EFL1: variants seen among roughly 807,000 people sequenced by gnomAD.
The protein encoded by EFL1 is elongation factor like GTPase 1, also known as elongation factor-like GTPase 1.
Under a neutral mutation model 126.7 loss-of-function variants are expected in EFL1, and 76 were observed. That is an observed-to-expected ratio of 0.60 (90% CI 0.50 to 0.73). EFL1 has a LOEUF of 0.73. Among genes scored for constraint, EFL1 ranks in the 30% least tolerant of loss-of-function variants. The pLI is 0.00. For missense variants in EFL1, 1,128 were observed against 1,343.2 expected, an observed-to-expected ratio of 0.84 and a Z score of 2.50; for synonymous variants, 410 against 448.4, an observed-to-expected ratio of 0.91 and a Z score of 1.08.
At chr15:82,154,796 C>G (rs2073950230) in intron 17 of EFL1, among the ~76,000 whole-genome samples, 1 of 152,192 alleles carries the variant, frequency 6.6e-6, no homozygotes, top group South Asian at 2.1e-4. Flanking sequence ...GGGTCTTGCT[C>G]TGTCACCCAG....
chr15:82,164,132 T>G, intron 15 of EFL1, 148 bp from the exon 16 acceptor site: 1 of 976,528 alleles, frequency 1.0e-6, no homozygotes, highest in East Asian at 2.7e-5. Context: ...TGCACTGTTT[T>G]TTTTTTTGTA....
intron 6 of EFL1, among the ~76,000 whole-genome samples, chr15:82,239,660 C>T (rs1031396804): frequency 7.9e-5 from 12 of 152,186 alleles, no homozygotes; most frequent in African/African-American, 2.7e-4. Flanking sequence ...CTGTTGCAAA[C>T]GATCTAATTC....
chr15:82,143,677 A>T (rs1178244496), intron 18 of EFL1, among the ~76,000 whole-genome samples: 1 of 152,334 alleles, frequency 6.6e-6, no homozygotes, highest in Admixed American at 6.5e-5. Context: ...ATCAGCTACA[A>T]GTTTATAGAT....
At chr15:82,158,999 T>C (rs2073995283) in intron 16 of EFL1, among the ~76,000 whole-genome samples, 2 of 152,234 alleles carry the variant, frequency 1.3e-5, no homozygotes, top group Non-Finnish European at 2.9e-5. Flanking sequence ...AGAGAGCCCA[T>C]GCTCTGCGGA....
intron 19 of EFL1, among the ~76,000 whole-genome samples, chr15:82,136,967 C>T (rs1292138945): frequency 1.3e-5 from 2 of 150,958 alleles, no homozygotes; most frequent in African/African-American, 4.9e-5. Context: ...ACCAAAAAAA[C>T]GTAACCTAAA....
intron 7 of EFL1, among the ~76,000 whole-genome samples, chr15:82,236,295 T>A (rs886510753): frequency 6.6e-6 from 1 of 152,140 alleles, no homozygotes; most frequent in African/African-American, 2.4e-5. Context: ...AGCAAAATGT[T>A]TTTGCAGATA....
Position 82,151,731 on chromosome 15 carries a change from C to T in EFL1, c.2723G>A (p.Ser908Asn). ...DLSKFEEQGA[S>N]DLAKEGQEEN... ...CTCCTGTCCCTCTTTTGCCAGATCA[C>T]TTGCTCCTTGTTCCTCAAATTTACT... The change falls in exon 18 of 20, where the codon AGT becomes AAT. Residue 908 changes from serine (S) to asparagine (N), a missense_variant. Ser to Asn is a conservative substitution (Grantham distance 46, BLOSUM62 1). Transcript: ENST00000268206. 7 of 1,614,184 alleles carry T rather than the reference C, an allele frequency of 4.3e-6. No individual in the cohort carries two copies. Among genetic ancestry groups the T allele is most frequent in the Non-Finnish European group, 5.9e-6 (7 of 1,180,036 alleles).
chr15:82,198,660 G>T (rs1260643680), intron 15 of EFL1, among the ~76,000 whole-genome samples: 2 of 152,066 alleles, frequency 1.3e-5, no homozygotes, highest in African/African-American at 4.8e-5. Flanking sequence ...GGTGAGGAAG[G>T]GTCCTGGAAA....
chr15:82,171,501 A>G lies in EFL1; in HGVS notation c.1751-7517T>C, dbSNP rs55787821. On this transcript the variant is annotated intron_variant, in intron 15 of 19. Transcript: ENST00000268206. Reference sequence around the variant, plus strand: ...ACAGCATTGAAACAATTAGCCAATGAAATGTGAAAAATGATATAATTGCAT... The same window carrying G: ...ACAGCATTGAAACAATTAGCCAATGGAATGTGAAAAATGATATAATTGCAT... Among the ~76,000 whole-genome samples the G allele has an allele frequency of 6.9e-3, 1,048 of 152,332 alleles. 8 individuals carry two copies. The highest frequency in any genetic ancestry group is 8.2e-3 in the Non-Finnish European group (556 of 68,038).
chr15:82,207,790 G>A (rs1032372416), intron 15 of EFL1, among the ~76,000 whole-genome samples: 6 of 149,880 alleles, frequency 4.0e-5, no homozygotes, highest in African/African-American at 7.4e-5. Flanking sequence ...GTGCGGGCTC[G>A]GCTCACTGCA....
chr15:82,213,801 G>C (rs1567065645), intron 15 of EFL1, among the ~76,000 whole-genome samples: 1 of 152,154 alleles, frequency 6.6e-6, no homozygotes, highest in Non-Finnish European at 1.5e-5. Context: ...ATTTTCCAAA[G>C]GGATGGAAGA....
intron 7 of EFL1, among the ~76,000 whole-genome samples, chr15:82,232,214 A>G (rs766095376): frequency 3.3e-5 from 5 of 152,132 alleles, no homozygotes; most frequent in Non-Finnish European, 7.4e-5. Context: ...GTTAGTAGTG[A>G]TGCTCCCTGG....
rs1339613130 is a variant in EFL1, at chr15:82,239,199, T to C, written c.517-678A>G. Among the ~76,000 whole-genome samples the C allele has an allele frequency of 4.6e-5, 7 of 152,160 alleles. No homozygotes were observed. In the South Asian group the frequency reaches 8.3e-4, roughly 18 times the overall value. ...TTGCCCAGGCTGGAGTGCAGTGGCG[T>C]GATCTTGGCTCACCACACGCTCTGC... On this transcript the variant is annotated intron_variant, in intron 6 of 19. Coordinates refer to ENST00000268206, the MANE Select transcript of EFL1 (RefSeq NM_024580.6).
chr15:82,208,357 A>G (rs1051793146), intron 15 of EFL1, among the ~76,000 whole-genome samples: 1 of 152,204 alleles, frequency 6.6e-6, no homozygotes, highest in Non-Finnish European at 1.5e-5. Context: ...CTAGCCATAC[A>G]TAGTTATTAA....
At chr15:82,217,373 G>GGAAA (rs1429392936) in intron 14 of EFL1, among the ~76,000 whole-genome samples, 4 of 27,152 alleles carry the variant, frequency 1.5e-4, no homozygotes, top group African/African-American at 2.9e-4. Context: ...GATTAGATTT[G>GGAAA]AAAAAAAAAA....
At chr15:82,166,916 C>T (rs879934607) in intron 15 of EFL1, among the ~76,000 whole-genome samples, 13 of 152,122 alleles carry the variant, frequency 8.5e-5, no homozygotes, top group Admixed American at 4.6e-4. Flanking sequence ...AGCACATTTG[C>T]TAAAGCATTT....
intron 15 of EFL1, among the ~76,000 whole-genome samples, chr15:82,213,557 C>A (rs1378306680): frequency 6.6e-6 from 1 of 152,132 alleles, no homozygotes; most frequent in East Asian, 1.9e-4. Context: ...AAGCACCAGG[C>A]CTTAATTAGA....
chr15:82,183,370 TCTCA>T (rs2074272089), intron 15 of EFL1, among the ~76,000 whole-genome samples: 1 of 152,192 alleles, frequency 6.6e-6, no homozygotes, highest in African/African-American at 2.4e-5. Flanking sequence ...CAGGCAGCTT[TCTCA>T]CTCCCTCCTT....
intron 2 of EFL1, among the ~76,000 whole-genome samples, chr15:82,260,306 AG>A (rs2075102200): frequency 6.6e-6 from 1 of 152,126 alleles, no homozygotes; most frequent in Non-Finnish European, 1.5e-5. Flanking sequence ...AAACTCATGG[AG>A]GCAGGGGTTA....
Sources: allele counts gnomAD v4.1 joint callset (sites outside exome capture counted in the v4.1 genomes callset), GRCh38; gene constraint gnomAD v4.1.1; transcripts MANE v1.5; gene names NCBI Gene and HGNC (gene_info 2026-07-23, HGNC 2026-07-21).